Variants in PGM5 observed in about 807,000 individuals in gnomAD.
The protein encoded by PGM5 is phosphoglucomutase-like protein 5.
PGM5 carries 23 observed loss-of-function variants against 59.2 expected under a neutral mutation model. That is an observed-to-expected ratio of 0.39 (90% CI 0.28 to 0.55). The LOEUF is 0.55. PGM5 is among the 20% of genes least tolerant of loss of function. PGM5 has a pLI of 0.66. For synonymous variants in PGM5, 214 were observed against 286.0 expected (o/e 0.75, Z 2.54); for missense variants, 574 against 748.3 (o/e 0.77, Z 2.72).
chr9:68,475,411 A>C (rs1824088922), intron 7 of PGM5, among the ~76,000 whole-genome samples: 1 of 152,072 alleles, frequency 6.6e-6, no homozygotes, highest in Admixed American at 6.5e-5. Context: ...GAAAGAGAGG[A>C]AAAGCATCTG....
At chr9:68,408,730 C>T (rs1822866433) in intron 6 of PGM5, among the ~76,000 whole-genome samples, 2 of 152,250 alleles carry the variant, frequency 1.3e-5, no homozygotes, top group South Asian at 2.1e-4. Context: ...AGTCTTTAAT[C>T]CATCTTGAAT....
At chr9:68,463,092 C>A (rs1192351892) in intron 6 of PGM5, among the ~76,000 whole-genome samples, 4 of 152,040 alleles carry the variant, frequency 2.6e-5, no homozygotes, top group Admixed American at 2.6e-4. Context: ...GAAGAGGCAG[C>A]CCACAGTTTT....
chr9:68,427,724 C>T (rs183187150), intron 6 of PGM5, among the ~76,000 whole-genome samples: 1 of 152,318 alleles, frequency 6.6e-6, no homozygotes, highest in East Asian at 1.9e-4. Context: ...TGGCCTCAGA[C>T]TCTGGGCTGT....
intron 1 of PGM5, among the ~76,000 whole-genome samples, chr9:68,370,056 G>A (rs1224180834): frequency 2.6e-5 from 4 of 151,836 alleles, no homozygotes; most frequent in Admixed American, 6.6e-5. Context: ...TTTTAACCGA[G>A]AAGACAGGAA....
chr9:68,445,134 AT>A (rs112573481), intron 6 of PGM5, among the ~76,000 whole-genome samples: 11,508 of 150,064 alleles, frequency 0.077, 1,092 homozygotes, highest in African/African-American at 0.23. Context: ...ACTCAATAGG[AT>A]TTTTTTTTTA....
chr9:68,362,865 C>CTTTTTTTTTTTTTTTTT (rs1163826772), intron 1 of PGM5, among the ~76,000 whole-genome samples: 2 of 96,782 alleles, frequency 2.1e-5, no homozygotes, highest in Non-Finnish European at 4.0e-5. Flanking sequence ...TTTTCTTTTT[C>CTTTTTTTTTTTTTTTTT]TTTTTTTTTT....
chr9:68,362,580 CTAAT>C (rs1377720861), intron 1 of PGM5, among the ~76,000 whole-genome samples: 6 of 152,108 alleles, frequency 3.9e-5, no homozygotes, highest in African/African-American at 1.2e-4. Flanking sequence ...TAGTTTGTAA[CTAAT>C]TAGTTTTTTA....
chr9:68,499,145 C>T (rs1461766537), intron 9 of PGM5, 82 bp from the exon 10 acceptor site: 25 of 1,454,592 alleles, frequency 1.7e-5, no homozygotes, highest in African/African-American at 2.8e-5. Flanking sequence ...TAAAAACATG[C>T]TGATTTCTGT....
At chr9:68,399,344 A>G (rs1247971046) in intron 6 of PGM5, 12 of 152,026 alleles carry the variant, frequency 7.9e-5, no homozygotes, top group African/African-American at 2.7e-4. Context: ...GGGGGTGTCT[A>G]TACTTAATTT....
chr9:68,454,264 T>C (rs1823739078), intron 6 of PGM5, among the ~76,000 whole-genome samples: 2 of 152,134 alleles, frequency 1.3e-5, no homozygotes, highest in Non-Finnish European at 2.9e-5. Context: ...ATTTCAGTAA[T>C]GAATCTAGGG....
At position 68,529,881 on chromosome 9, in the gene PGM5, G is replaced by A; in HGVS notation, c.*225G>A. The A allele has an allele frequency of 2.4e-6, 1 of 424,054 alleles. No homozygotes were observed. The highest frequency in any genetic ancestry group is 4.7e-5 in the East Asian group (1 of 21,218). The allele number at this position is 424,054 out of a possible 1,614,324, so 26.3% of individuals were successfully genotyped here. On this transcript the variant is annotated 3_prime_UTR_variant, in exon 11 of 11. Coordinates refer to ENST00000396396, the MANE Select transcript of PGM5 (RefSeq NM_021965.4). The stretch of plus-strand genomic sequence containing the variant: ...GGGCCTTTAGTTGTCTGTTAAAGCT[G>A]CACTATAATTTGGTATCTACATTTT...
intron 10 of PGM5, among the ~76,000 whole-genome samples, chr9:68,519,252 A>G (rs1282259767): frequency 2.0e-5 from 3 of 152,242 alleles, no homozygotes; most frequent in Non-Finnish European, 1.5e-5. Context: ...AAGGAATAAA[A>G]GAAATGTTAA....
At chr9:68,484,219 G>C (rs1824249766) in intron 9 of PGM5, among the ~76,000 whole-genome samples, 171 bp downstream of exon 9, 1 of 152,002 alleles carries the variant, frequency 6.6e-6, no homozygotes, top group African/African-American at 2.4e-5. Context: ...ACAAGTTAGT[G>C]CACAGGGTAG....
chr9:68,461,083 G>C (rs528305170), intron 6 of PGM5, among the ~76,000 whole-genome samples: 58 of 152,160 alleles, frequency 3.8e-4, no homozygotes, highest in African/African-American at 1.2e-3. Context: ...ACATAAAAAG[G>C]TGTTTTCAAT....
chr9:68,362,432 G>T (rs2989661), intron 1 of PGM5, among the ~76,000 whole-genome samples: 1 of 152,200 alleles, frequency 6.6e-6, no homozygotes, highest in Non-Finnish European at 1.5e-5. Flanking sequence ...TTATGTGGCT[G>T]TGTGAACTTA....
At chr9:68,525,134 C>T (rs1027392659) in intron 10 of PGM5, among the ~76,000 whole-genome samples, 4 of 151,996 alleles carry the variant, frequency 2.6e-5, no homozygotes, top group Admixed American at 6.5e-5. Flanking sequence ...TTGGGGTTTA[C>T]GTGTATCAGA....
intron 6 of PGM5, among the ~76,000 whole-genome samples, chr9:68,418,815 A>G (rs542929038): frequency 7.2e-5 from 11 of 151,918 alleles, no homozygotes; most frequent in African/African-American, 2.4e-4. Context: ...ACCAGCCTAA[A>G]CCCCCTCTAG....
chr9:68,454,223 A>C (rs1823738350), intron 6 of PGM5, among the ~76,000 whole-genome samples: 1 of 152,202 alleles, frequency 6.6e-6, no homozygotes, highest in Non-Finnish European at 1.5e-5. Flanking sequence ...GTTCCTGCCA[A>C]GCAGCCCTAT....
In PGM5 at chr9:68,412,446, A is replaced by C. The variant is rs1334851759; in HGVS notation, c.1043+19973A>C. Among the ~76,000 whole-genome samples, 4 of 152,230 alleles carry C rather than the reference A, an allele frequency of 2.6e-5. No homozygotes were observed. In the East Asian group the frequency reaches 7.7e-4, roughly 29 times the overall value. The stretch of plus-strand genomic sequence containing the variant: ...AATATCACATGCTAATATTTCCTAC[A>C]TTCCCATTTACTCAGTGTTCCCTAC... On this transcript the variant is annotated intron_variant, in intron 6 of 10. Coordinates refer to ENST00000396396, the MANE Select transcript of PGM5 (RefSeq NM_021965.4).
Sources: gnomAD v4.1 joint callset for allele counts (sites outside exome capture counted in the v4.1 genomes callset) on GRCh38, gnomAD v4.1.1 for gene constraint, MANE v1.5 for transcripts, NCBI Gene and HGNC (gene_info 2026-07-23, HGNC 2026-07-21) for gene names.